ATP10B: variants seen among roughly 807,000 people sequenced by gnomAD.
ATP10B encodes phospholipid-transporting ATPase VB.
ATP10B carries 122 observed loss-of-function variants against 141.2 expected under a neutral mutation model. That is an observed-to-expected ratio of 0.86 (90% confidence interval 0.75 to 1.00). ATP10B has a LOEUF of 1.00. ATP10B is among the 50% of genes least tolerant of loss of function. ATP10B has a pLI of 0.00. For missense variants in ATP10B, 1,876 were observed against 1,825.3 expected, an observed-to-expected ratio of 1.03 and a Z score of -0.51; for synonymous variants, 685 against 692.0, an observed-to-expected ratio of 0.99 and a Z score of 0.16.
At chr5:160,777,925 T>C (rs1489715157) in intron 2 of ATP10B, among the ~76,000 whole-genome samples, 2 of 151,990 alleles carry the variant, frequency 1.3e-5, no homozygotes, top group African/African-American at 4.8e-5. Flanking sequence ...CTCTAAGAAG[T>C]AACAGGTGAA....
In ATP10B at chr5:160,640,448, G is replaced by A. The variant is rs1759754828; in HGVS notation, c.1000+13C>T. On this transcript the variant is annotated intron_variant, in intron 10 of 25. Coordinates refer to ENST00000327245, the MANE Select transcript of ATP10B (RefSeq NM_025153.3). ...GATTACTGTGTCCTTGTTCTTTCCA[G>A]AACATCCCATACCTACAGCTCCAAT... is the stretch of plus-strand genomic sequence containing the variant. The A allele has an allele frequency of 6.2e-7, 1 of 1,613,114 alleles. No homozygotes were observed. The highest frequency in any genetic ancestry group is 1.7e-5 in the Admixed American group (1 of 59,874).
intron 2 of ATP10B, among the ~76,000 whole-genome samples, chr5:160,740,739 C>A (rs193082618): frequency 6.6e-6 from 1 of 152,176 alleles, no homozygotes; most frequent in African/African-American, 2.4e-5. Flanking sequence ...GTTTCTTCAG[C>A]GATTGCAAAG....
At chr5:160,683,030 C>G (rs575298558) in intron 6 of ATP10B, among the ~76,000 whole-genome samples, 1 of 76,176 alleles carries the variant, frequency 1.3e-5, no homozygotes, top group East Asian at 2.8e-4. Context: ...CAGACCAAGA[C>G]TCTGTCCCCC....
chr5:160,589,578 T>G lies in ATP10B; in HGVS notation c.3750+14A>C, dbSNP rs182407207. The G allele has an allele frequency of 1.2e-6, 2 of 1,603,222 alleles. No individual in the cohort carries two copies. Among genetic ancestry groups the G allele is most frequent in the Admixed American group, 1.7e-5 (1 of 60,018 alleles). ...AGCACAGTTTTGAAGCCAAAGGGGC[T>G]CTGGGACACTTACCCATGTCTTCAT... On this transcript the variant is annotated intron_variant, in intron 24 of 25. Transcript: ENST00000327245.
At chr5:160,693,047 T>A (rs1333882925) in intron 3 of ATP10B, among the ~76,000 whole-genome samples, 1 of 152,098 alleles carries the variant, frequency 6.6e-6, no homozygotes, top group Admixed American at 6.5e-5. Flanking sequence ...CTAAAAAACC[T>A]CAAATTGGGG....
At chr5:160,695,928 C>A (rs543169037) in intron 3 of ATP10B, among the ~76,000 whole-genome samples, 1 of 152,146 alleles carries the variant, frequency 6.6e-6, no homozygotes, top group Admixed American at 6.5e-5. Flanking sequence ...ATCTAGTTAA[C>A]AAATAATAAC....
chr5:160,852,459 G>A (rs996581499), upstream of ATP10B, among the ~76,000 whole-genome samples: 2 of 152,128 alleles, frequency 1.3e-5, no homozygotes, highest in African/African-American at 4.8e-5. Flanking sequence ...TAACCTTGCA[G>A]TTCTCTTTGG....
intron 17 of ATP10B, among the ~76,000 whole-genome samples, 197 bp from the exon 18 acceptor site, chr5:160,613,122 A>G (rs540505314): frequency 1.3e-5 from 2 of 152,324 alleles, no homozygotes; most frequent in African/African-American, 4.8e-5. Context: ...AGAATTTATA[A>G]CTGAGCTATA....
chr5:160,814,361 G>A lies in ATP10B; in HGVS notation c.-575-28558C>T, dbSNP rs576102503. ...ATGCACAAGCCTCAGTAGCCGATTC[G>A]ATCAACTGGAAGAAAGGGTATCAGT... On this transcript the variant is annotated intron_variant, in intron 1 of 25. Transcript: ENST00000327245. Among the ~76,000 whole-genome samples the A allele has an allele frequency of 5.9e-5, 9 of 152,258 alleles. No individual in the cohort carries two copies. In the East Asian group the frequency reaches 7.7e-4, roughly 13 times the overall value.
chr5:160,858,471 T>C, the ATP10B span, among the ~76,000 whole-genome samples: 40 of 151,980 alleles, frequency 2.6e-4, no homozygotes, highest in Non-Finnish European at 2.9e-5. Context: ...CACTGGTATG[T>C]AAACTGTGTT....
chr5:160,685,138 C>A, intron 6 of ATP10B: 1 of 698,810 alleles, frequency 1.4e-6, no homozygotes, highest in Non-Finnish European at 2.6e-6. Context: ...TTTGTGAGAC[C>A]ATCCTTCAAA....
chr5:160,899,465 T>A, the ATP10B span, among the ~76,000 whole-genome samples: 39 of 152,304 alleles, frequency 2.6e-4, no homozygotes, highest in African/African-American at 9.4e-4. Context: ...GTTTTTGGTC[T>A]TCATTGTGGT....
At chr5:160,912,414 CAAAAAAAAAAAAAAA>C in the ATP10B span, among the ~76,000 whole-genome samples, 2 of 88,894 alleles carry the variant, frequency 2.2e-5, no homozygotes, top group East Asian at 6.7e-4. Context: ...CTGTTTCTAC[CAAAAAAAAAAAAAAA>C]AAAAAAAAAA....
chr5:160,856,423 TACAAAG>T (rs1430792185), upstream of ATP10B, among the ~76,000 whole-genome samples: 8 of 151,974 alleles, frequency 5.3e-5, no homozygotes, highest in African/African-American at 1.4e-4. Context: ...TTGGATTTTC[TACAAAG>T]ACAATCATGT....
chr5:160,634,765 G>T (rs114757835), intron 11 of ATP10B, among the ~76,000 whole-genome samples, 159 bp from the exon 12 acceptor site: 1,542 of 152,280 alleles, frequency 0.01, 18 homozygotes, highest in African/African-American at 0.035. Flanking sequence ...GCATCCCTTG[G>T]AATTCTTAGG....
At chr5:160,719,132 G>A (rs1051396306) in intron 2 of ATP10B, among the ~76,000 whole-genome samples, 1 of 152,186 alleles carries the variant, frequency 6.6e-6, no homozygotes, top group African/African-American at 2.4e-5. Context: ...CGGGCACGGT[G>A]GCTCACGCCT....
At chr5:160,792,197 G>A (rs1281686905) in intron 1 of ATP10B, among the ~76,000 whole-genome samples, 1 of 152,064 alleles carries the variant, frequency 6.6e-6, no homozygotes, top group African/African-American at 2.4e-5. Flanking sequence ...TACTGTATGT[G>A]AGCGTATTTA....
chr5:160,870,555 A>T, the ATP10B span, among the ~76,000 whole-genome samples: 1 of 152,254 alleles, frequency 6.6e-6, no homozygotes, highest in Non-Finnish European at 1.5e-5. Flanking sequence ...TAAAAACTTC[A>T]GAGCAGAATA....
At chr5:160,869,755 G>A in the ATP10B span, among the ~76,000 whole-genome samples, 2 of 152,212 alleles carry the variant, frequency 1.3e-5, no homozygotes, top group Admixed American at 6.5e-5. Flanking sequence ...GTGGGAACCT[G>A]GGCCAGGATA....
Sources: allele counts gnomAD v4.1 joint callset (sites outside exome capture counted in the v4.1 genomes callset), GRCh38; gene constraint gnomAD v4.1.1; transcripts MANE v1.5; gene names NCBI Gene and HGNC (gene_info 2026-07-23, HGNC 2026-07-21).